Variants in DIP2B observed in about 807,000 individuals in gnomAD.
DIP2B encodes the protein DIP2 acetate--CoA ligase B (putative).
DIP2B carries 76 observed loss-of-function variants against 198.0 expected under a neutral mutation model. The observed-to-expected ratio is 0.38, with a 90% CI of 0.32 to 0.46. The LOEUF is 0.46. DIP2B is among the 20% of genes least tolerant of loss of function. The pLI, the probability that DIP2B is intolerant of heterozygous loss-of-function variation, is 0.99. For synonymous variants in DIP2B, 701 were observed against 739.1 expected (o/e 0.95, Z 0.84); for missense variants, 1,559 against 1,978.4 (o/e 0.79, Z 4.02).
chr12:50,525,231 G>A (rs544332074), intron 1 of DIP2B, among the ~76,000 whole-genome samples: 5 of 151,974 alleles, frequency 3.3e-5, no homozygotes, highest in East Asian at 2.0e-4. Context: ...GGTGTTGGGC[G>A]CCTGTAGTCC....
intron 1 of DIP2B, among the ~76,000 whole-genome samples, chr12:50,536,271 G>GCATA (rs55888934): frequency 0.35 from 51,784 of 147,636 alleles, 9,220 homozygotes; most frequent in South Asian, 0.45. Context: ...CTAAATACGT[G>GCATA]CATACATACA....
chr12:50,549,990 T>C (rs1027463270), intron 1 of DIP2B, among the ~76,000 whole-genome samples: 13 of 152,158 alleles, frequency 8.5e-5, no homozygotes, highest in African/African-American at 3.1e-4. Flanking sequence ...CTCTCTTCTG[T>C]GTTATTGGCA....
chr12:50,648,356 T>A (rs1490513068), intron 3 of DIP2B, among the ~76,000 whole-genome samples: 1 of 152,118 alleles, frequency 6.6e-6, no homozygotes, highest in African/African-American at 2.4e-5. Context: ...CTATTTTTTT[T>A]ATTATTTTAT....
intron 11 of DIP2B, 61 bp downstream of exon 11, chr12:50,686,017 T>A: frequency 6.5e-7 from 1 of 1,539,342 alleles, no homozygotes; most frequent in Non-Finnish European, 8.8e-7. Flanking sequence ...TTAATTAGCT[T>A]TTTAATTTAG....
At chr12:50,698,225 AT>A in intron 17 of DIP2B, 102 bp from the exon 18 acceptor site, 4 of 1,413,030 alleles carry the variant, frequency 2.8e-6, no homozygotes, top group Non-Finnish European at 1.9e-6. Flanking sequence ...AAAATGGAGA[AT>A]TTTTTTGGTA....
chr12:50,683,274 T>C, intron 10 of DIP2B, 26 bp downstream of exon 10: 3 of 1,573,234 alleles, frequency 1.9e-6, no homozygotes, highest in Non-Finnish European at 2.6e-6. Flanking sequence ...TTAAGAGGAA[T>C]GTAGCCTGAT....
chr12:50,744,262 A>C (rs1192351049), intron 37 of DIP2B, among the ~76,000 whole-genome samples: 1 of 152,150 alleles, frequency 6.6e-6, no homozygotes, highest in Non-Finnish European at 1.5e-5. Flanking sequence ...TCGGCCTCCC[A>C]AAGTGCTGGG....
chr12:50,717,630 G>A (rs953438520), intron 23 of DIP2B, among the ~76,000 whole-genome samples: 3 of 150,430 alleles, frequency 2.0e-5, no homozygotes, highest in African/African-American at 7.3e-5. Flanking sequence ...GCCTCCCAAA[G>A]TACTGGGATT....
intron 1 of DIP2B, among the ~76,000 whole-genome samples, chr12:50,550,843 G>A (rs1958421515): frequency 6.6e-6 from 1 of 152,190 alleles, no homozygotes; most frequent in Admixed American, 6.6e-5. Flanking sequence ...CAGAAAGATG[G>A]TCCGACACAG....
Position 50,597,373 on chromosome 12 carries a change from C to A in DIP2B, c.101-28603C>A, listed in dbSNP as rs543329326. Among the ~76,000 whole-genome samples the A allele has an allele frequency of 2.6e-5, 4 of 152,292 alleles. No individual in the cohort carries two copies. In the East Asian group the frequency reaches 5.8e-4, roughly 22 times the overall value. On this transcript the variant is annotated intron_variant, in intron 1 of 37. Transcript: ENST00000301180. ...GATCTTTGTCAGTATCATAGTACTT[C>A]ATCTAAATAATTTTCTTAGTTTATC...
chr12:50,598,424 C>T (rs1195169219), intron 1 of DIP2B, among the ~76,000 whole-genome samples: 1 of 151,976 alleles, frequency 6.6e-6, no homozygotes, highest in Non-Finnish European at 1.5e-5. Context: ...TTTTCCCTCC[C>T]TCAACCCCCT....
intron 34 of DIP2B, among the ~76,000 whole-genome samples, chr12:50,735,819 T>C (rs1480733540): frequency 6.6e-6 from 1 of 151,870 alleles, no homozygotes; most frequent in East Asian, 1.9e-4. Context: ...GAGATGGGAG[T>C]GTGGTTTAAG....
intron 10 of DIP2B, among the ~76,000 whole-genome samples, chr12:50,683,973 C>T (rs915490918): frequency 1.3e-4 from 19 of 151,820 alleles, no homozygotes; most frequent in South Asian, 6.2e-4. Context: ...ACTAGCCATG[C>T]GTGGTGGTGT....
intron 1 of DIP2B, among the ~76,000 whole-genome samples, chr12:50,524,194 C>T (rs779981567): frequency 2.0e-5 from 3 of 152,118 alleles, no homozygotes; most frequent in Non-Finnish European, 4.4e-5. Flanking sequence ...CTTTCCATGC[C>T]GAGTCACTGT....
chr12:50,550,072 C>A (rs758488918), intron 1 of DIP2B, among the ~76,000 whole-genome samples: 3 of 152,074 alleles, frequency 2.0e-5, no homozygotes, highest in Non-Finnish European at 4.4e-5. Flanking sequence ...CTTTAACCAG[C>A]GGGATGGCAG....
intron 22 of DIP2B, 104 bp downstream of exon 22, chr12:50,708,666 A>G (rs1460830970): frequency 1.1e-6 from 1 of 881,522 alleles, no homozygotes; most frequent in Non-Finnish European, 1.8e-6. Context: ...ACTTCTTGCC[A>G]ATCATTGCTC....
At chr12:50,516,780 G>T (rs1958069401) in intron 1 of DIP2B, among the ~76,000 whole-genome samples, 1 of 152,066 alleles carries the variant, frequency 6.6e-6, no homozygotes, top group South Asian at 2.1e-4. Flanking sequence ...TTCGAGACCA[G>T]CCTGGCCAAC....
intron 34 of DIP2B, among the ~76,000 whole-genome samples, chr12:50,735,652 A>G (rs1179548882): frequency 3.3e-5 from 5 of 152,014 alleles, no homozygotes; most frequent in Non-Finnish European, 7.4e-5. Flanking sequence ...TTTAGTAAAG[A>G]TGGGGTTTCA....
intron 1 of DIP2B, among the ~76,000 whole-genome samples, chr12:50,584,597 T>G (rs1958753897): frequency 6.6e-6 from 1 of 152,216 alleles, no homozygotes; most frequent in South Asian, 2.1e-4. Flanking sequence ...AGAATCTCAC[T>G]GTGTGGTCCA....
Sources: allele counts gnomAD v4.1 joint callset (sites outside exome capture counted in the v4.1 genomes callset), GRCh38; gene constraint gnomAD v4.1.1; transcripts MANE v1.5; gene names NCBI Gene and HGNC (gene_info 2026-07-23, HGNC 2026-07-21).